The following TMEM18 variants were observed in gnomAD, a reference collection of about 807,000 sequenced individuals.
The protein encoded by TMEM18 is transmembrane protein 18.
Under a neutral mutation model 17.4 loss-of-function variants are expected in TMEM18, and 14 were observed. The observed-to-expected ratio is 0.80, with a 90% CI of 0.53 to 1.25. TMEM18 has a LOEUF of 1.25. Ranked by LOEUF, TMEM18 falls within the 50% of genes most tolerant of loss-of-function variation. TMEM18 has a pLI of 0.00. For synonymous variants in TMEM18, 86 were observed against 66.1 expected, an observed-to-expected ratio of 1.30 and a Z score of -1.46; for missense variants, 187 against 172.1, an observed-to-expected ratio of 1.09 and a Z score of -0.48.
At position 677,306 on chromosome 2, in the gene TMEM18, T is replaced by C. The variant is rs1350694372; in HGVS notation, c.40A>G (p.Ile14Val). The C allele has an allele frequency of 6.2e-7, 1 of 1,612,342 alleles. No homozygotes were observed. Among genetic ancestry groups the C allele is most frequent in the Admixed American group, 1.7e-5 (1 of 59,994 alleles). ...AFSVSSFPVS[I>V]PAVLTQTDWT... ...CGAGTTACCGTGAGCACGGCTGGGA[T>C]GCTGACGGGGAAAGAGCTGACAGAG... The change falls in exon 1 of 5, where the codon ATC becomes GTC. Residue 14 changes from isoleucine to valine, a missense_variant. Transcript: ENST00000281017.
chr2:669,921 A>T, intron 3 of TMEM18, 71 bp from the exon 4 acceptor site: 1 of 1,246,284 alleles, frequency 8.0e-7, no homozygotes, highest in Non-Finnish European at 1.1e-6. Context: ...CCGTCTATTT[A>T]GATAAGACTT....
At chr2:675,765 C>G (rs1380690827) in intron 1 of TMEM18, 135 bp from the exon 2 acceptor site, 4 of 1,534,918 alleles carry the variant, frequency 2.6e-6, no homozygotes, top group African/African-American at 1.4e-5. Context: ...CACCAAGTAT[C>G]CAGAGAGCAT....
intron 2 of TMEM18, among the ~76,000 whole-genome samples, chr2:675,236 C>G (rs1020524778): frequency 1.3e-5 from 2 of 152,240 alleles, no homozygotes; most frequent in East Asian, 3.9e-4. Flanking sequence ...GACAGCACTT[C>G]CGGAAACCCA....
intron 2 of TMEM18, 140 bp from the exon 3 acceptor site, chr2:673,002 TGTCAA>T (rs1678895753): frequency 1.2e-6 from 1 of 818,604 alleles, no homozygotes; most frequent in Non-Finnish European, 1.8e-6. Context: ...ATCCTAACAT[TGTCAA>T]GTCGTAGGAC....
intron 1 of TMEM18, 138 bp downstream of exon 1, chr2:677,151 C>T: frequency 8.8e-7 from 1 of 1,137,480 alleles, no homozygotes. Context: ...CAGGACCCTG[C>T]CCAGCGCGCG....
rs1449937043 is a variant in TMEM18, at chr2:677,381, A to C, written c.-36T>G. 3 of 1,605,480 alleles carry C rather than the reference A, an allele frequency of 1.9e-6. No individual in the cohort carries two copies. The highest frequency in any genetic ancestry group is 2.5e-6 in the Non-Finnish European group (3 of 1,177,492). ...AGCCCGCTCTCACAGCAACCGCCGA[A>C]CCCGGCCTGGCCAGAATCCACAGAG... On this transcript the variant is annotated 5_prime_UTR_variant, in exon 1 of 5. Coordinates refer to ENST00000281017, the MANE Select transcript of TMEM18 (RefSeq NM_152834.4).
chr2:669,572 G>A lies in TMEM18; in HGVS notation c.*8C>T, dbSNP rs761279419. 6.2e-7 allele frequency: 1 copy of A among 1,614,036 alleles called. No homozygotes were observed. The highest frequency in any genetic ancestry group is 8.5e-7 in the Non-Finnish European group (1 of 1,179,886). On this transcript the variant is annotated 3_prime_UTR_variant, in exon 5 of 5. Coordinates refer to ENST00000281017, the MANE Select transcript of TMEM18 (RefSeq NM_152834.4). ...GGAAGGACGCAAACTCCAAGCAGCT[G>A]CTGCCCCTCAGTCTTCTTTCCTTCT... is the stretch of plus-strand genomic sequence containing the variant.
At position 675,226 on chromosome 2, in the gene TMEM18, G is replaced by C. The variant is rs1678966647; in HGVS notation, c.178+284C>G. ...CACCAAGGACGCATCTTGTGTAAAA[G>C]ACAGCACTTCCGGAAACCCAACTCT... On this transcript the variant is annotated intron_variant, in intron 2 of 4. Transcript: ENST00000281017. Among the ~76,000 whole-genome samples the C allele has an allele frequency of 2.6e-5, 4 of 152,344 alleles. 1 individual carries two copies. The South Asian group carries it at 8.3e-4, about 32-fold the overall frequency.
intron 2 of TMEM18, among the ~76,000 whole-genome samples, chr2:674,924 C>T (rs1279265574): frequency 6.6e-6 from 1 of 152,224 alleles, no homozygotes; most frequent in African/African-American, 2.4e-5. Context: ...TTCCATCTAT[C>T]TCAGTCTCTG....
In TMEM18 at chr2:665,970, C is replaced by T. The variant is rs914527750; in HGVS notation, c.*3610G>A. On this transcript the variant is annotated 3_prime_UTR_variant, in exon 5 of 5. Transcript: ENST00000281017. ...CACACAAAACCCAGAGATGCGGATG[C>T]CCAGCTCACTCGGATGGAGTATTAA... is the stretch of plus-strand genomic sequence containing the variant. 6.6e-6 allele frequency among the ~76,000 whole-genome samples: 1 copy of T among 151,900 alleles called. No homozygotes were observed. Among genetic ancestry groups the T allele is most frequent in the South Asian group, 2.1e-4 (1 of 4,806 alleles).
rs1469489370 is a variant in TMEM18, at chr2:668,434, C to A, written c.*1146G>T. On this transcript the variant is annotated 3_prime_UTR_variant, in exon 5 of 5. Transcript: ENST00000281017. The stretch of plus-strand genomic sequence containing the variant: ...ATCATCTTTCTGTCCCACTTCTCAG[C>A]CACAAAGGCCCGAGAGGGGCATGAA... The A allele has an allele frequency of 6.6e-6, 1 of 152,262 alleles. No homozygotes were observed. Among genetic ancestry groups the A allele is most frequent in the East Asian group, 1.9e-4 (1 of 5,200 alleles). 9.4% of individuals were successfully genotyped at this position (152,262 alleles called of 1,614,324 possible).
chr2:677,232 C>T, intron 1 of TMEM18, 57 bp downstream of exon 1: 2 of 1,569,446 alleles, frequency 1.3e-6, no homozygotes, highest in African/African-American at 1.3e-5. Context: ...GTGGGGCCTA[C>T]CCTACGCCTC....
chr2:672,630 G>A (rs974735508), intron 3 of TMEM18, among the ~76,000 whole-genome samples, 178 bp downstream of exon 3: 16 of 152,246 alleles, frequency 1.1e-4, no homozygotes, highest in African/African-American at 3.4e-4. Context: ...CCACTGTGGC[G>A]CTGGTAAAGC....
At chr2:672,273 C>A (rs1452909059) in intron 3 of TMEM18, among the ~76,000 whole-genome samples, 1 of 152,212 alleles carries the variant, frequency 6.6e-6, no homozygotes, top group Admixed American at 6.5e-5. Context: ...TCAACCTGGG[C>A]AGGTGCTGGG....
At chr2:672,770 CT>C in intron 3 of TMEM18, 37 bp downstream of exon 3, 1 of 1,437,000 alleles carries the variant, frequency 7.0e-7, no homozygotes, top group Non-Finnish European at 9.1e-7. Context: ...AGGGACACCC[CT>C]GCAGGGACCT....
rs1264601317 is a variant in TMEM18, at chr2:665,030, C to T, written c.*4550G>A. Among the ~76,000 whole-genome samples, 2 of 152,206 alleles carry T rather than the reference C, an allele frequency of 1.3e-5. No individual in the cohort carries two copies. Among genetic ancestry groups the T allele is most frequent in the African/African-American group, 4.8e-5 (2 of 41,446 alleles). Reference sequence around the variant, plus strand: ...CAAATTGACACTTAACAATTTTCTCCTGTTCCAAAGATATCCAATGTTATA... The same window carrying T: ...CAAATTGACACTTAACAATTTTCTCTTGTTCCAAAGATATCCAATGTTATA... On this transcript the variant is annotated 3_prime_UTR_variant, in exon 5 of 5. Transcript: ENST00000281017.
rs1678631837 is a variant in TMEM18 at position 664,692 on chromosome 2, T to C, written c.*4888A>G. 6.6e-6 allele frequency among the ~76,000 whole-genome samples: 1 copy of C among 152,214 alleles called. No homozygotes were observed. The highest frequency in any genetic ancestry group is 1.5e-5 in the Non-Finnish European group (1 of 68,048). ...TTGGCATATGCTTTCTGAAAATTGA[T>C]TTAGCAACATTTACCAACTGTCACA... is the stretch of plus-strand genomic sequence containing the variant. On this transcript the variant is annotated 3_prime_UTR_variant, in exon 5 of 5. Transcript: ENST00000281017.
chr2:669,916 T>C, intron 3 of TMEM18, 66 bp from the exon 4 acceptor site: 1 of 1,278,304 alleles, frequency 7.8e-7, no homozygotes, highest in East Asian at 2.5e-5. Context: ...TGACACCGTC[T>C]ATTTAGATAA....
intron 3 of TMEM18, chr2:670,700 T>C (rs1040239943): frequency 2.0e-5 from 3 of 152,850 alleles, no homozygotes; most frequent in African/African-American, 2.4e-5. Context: ...TACAGAGAAA[T>C]GTGAAGCCTG....
Sources: gnomAD v4.1 joint callset for allele counts (sites outside exome capture counted in the v4.1 genomes callset) on GRCh38, gnomAD v4.1.1 for gene constraint, MANE v1.5 for transcripts, NCBI Gene and HGNC (gene_info 2026-07-23, HGNC 2026-07-21) for gene names.